L2HGDH: variants seen among roughly 807,000 people sequenced by gnomAD.
The protein encoded by L2HGDH is L-2-hydroxyglutarate dehydrogenase.
A neutral mutation model predicts 51.5 loss-of-function variants in L2HGDH; 34 were observed. The observed-to-expected ratio is 0.66, with a 90% CI of 0.50 to 0.88. L2HGDH has a LOEUF of 0.88. Among genes scored for constraint, L2HGDH ranks in the 40% least tolerant of loss-of-function variants. L2HGDH has a pLI of 0.00. For synonymous variants in L2HGDH, 198 were observed against 197.9 expected (o/e 1.00, Z -0.01); for missense variants, 558 against 571.9 (o/e 0.98, Z 0.25).
chr14:50,247,354 A>G, intron 9 of L2HGDH, 101 bp from the exon 10 acceptor site: 12 of 1,521,312 alleles, frequency 7.9e-6, no homozygotes, highest in South Asian at 1.2e-5. Context: ...ATTCTTCTAA[A>G]TGCACAATTA....
In L2HGDH at chr14:50,312,098, A is replaced by C. The variant is rs2275591; in HGVS notation, c.53T>G (p.Leu18Arg). ...LVGACGRARGLFAGGSPGACG... is the reference protein window; with the variant it reads ...LVGACGRARGRFAGGSPGACG... ...CGCCCCAGGGGAGCCACCGGCGAAA[A>C]GCCCGCGGGCCCGTCCGCAGGCACC... Residue 18 changes from leucine (L) to arginine (R), a missense_variant, in exon 1 of 10, where the codon CTT (leucine) becomes CGT (arginine). By Grantham distance (102) the Leu-to-Arg change is moderately radical. This residue lies in a region of L2HGDH where 194 missense variants were observed against 187.2 expected (regional missense o/e 1.04). Transcript: ENST00000267436. 0.57 allele frequency: 921,307 copies of C among 1,605,690 alleles called. 264,691 individuals are homozygous for C. Among genetic ancestry groups the C allele is most frequent in the East Asian group, 0.61 (26,981 of 44,582 alleles).
chr14:50,307,009 T>C (rs2030769853), intron 1 of L2HGDH, among the ~76,000 whole-genome samples: 1 of 152,084 alleles, frequency 6.6e-6, no homozygotes, highest in South Asian at 2.1e-4. Flanking sequence ...AGAGACGAGG[T>C]TTCACCACGT....
chr14:50,269,967 C>T (rs1034729541), intron 6 of L2HGDH, among the ~76,000 whole-genome samples: 1 of 152,184 alleles, frequency 6.6e-6, no homozygotes, highest in Non-Finnish European at 1.5e-5. Flanking sequence ...TAAAGGCAAA[C>T]TCTGTATTGC....
intron 4 of L2HGDH, among the ~76,000 whole-genome samples, chr14:50,292,010 C>A (rs1212064039): frequency 1.3e-5 from 2 of 151,974 alleles, no homozygotes; most frequent in African/African-American, 4.8e-5. Context: ...CACATACCTG[C>A]AACAAACAAA....
intron 1 of L2HGDH, among the ~76,000 whole-genome samples, chr14:50,305,521 A>G (rs2030673713): frequency 6.6e-6 from 1 of 152,256 alleles, no homozygotes. Flanking sequence ...AGGTACTTAC[A>G]CTGATTTACA....
intron 6 of L2HGDH, among the ~76,000 whole-genome samples, chr14:50,274,773 T>C (rs1889880929): frequency 6.6e-6 from 1 of 152,116 alleles, no homozygotes; most frequent in South Asian, 2.1e-4. Context: ...ATATACACAA[T>C]GCAATATTAT....
intron 9 of L2HGDH, 42 bp from the exon 10 acceptor site, chr14:50,247,295 A>T: frequency 6.3e-7 from 1 of 1,597,710 alleles, no homozygotes; most frequent in Non-Finnish European, 8.5e-7. Context: ...TCAAAGACAT[A>T]GGATACTTTA....
intron 6 of L2HGDH, among the ~76,000 whole-genome samples, chr14:50,271,633 G>C (rs368405398): frequency 1.3e-5 from 2 of 152,024 alleles, no homozygotes; most frequent in East Asian, 1.9e-4. Context: ...TTGAGCCCAG[G>C]AGTTCAAGAC....
chr14:50,294,082 C>T, intron 4 of L2HGDH, 33 bp downstream of exon 4: 2 of 1,611,742 alleles, frequency 1.2e-6, no homozygotes, highest in Non-Finnish European at 1.7e-6. Flanking sequence ...GGACTAAGCC[C>T]TAAATAAAAA....
At chr14:50,261,722 G>A (rs1400707663) in intron 9 of L2HGDH, among the ~76,000 whole-genome samples, 1 of 151,954 alleles carries the variant, frequency 6.6e-6, no homozygotes, top group Non-Finnish European at 1.5e-5. Flanking sequence ...GGGCTCAAGC[G>A]ATCCTCCCAC....
intron 6 of L2HGDH, among the ~76,000 whole-genome samples, chr14:50,276,477 A>G (rs1159647327): frequency 1.3e-5 from 2 of 150,682 alleles, no homozygotes; most frequent in African/African-American, 2.4e-5. Context: ...CCCCACCCCA[A>G]TTCATATGTT....
intron 5 of L2HGDH, among the ~76,000 whole-genome samples, chr14:50,281,266 A>G (rs986566837): frequency 1.1e-4 from 16 of 152,168 alleles, no homozygotes; most frequent in Non-Finnish European, 2.1e-4. Context: ...CATGTCATGA[A>G]AATTTTTTTC....
At chr14:50,294,054 C>A (rs1452109704) in intron 4 of L2HGDH, 61 bp downstream of exon 4, 6 of 1,583,790 alleles carry the variant, frequency 3.8e-6, no homozygotes, top group Non-Finnish European at 8.7e-7. Context: ...TACACTCACC[C>A]TCAGCCTCCA....
In L2HGDH at chr14:50,295,602, A is replaced by G. The variant is rs548401227; in HGVS notation, c.409-1356T>C. Among the ~76,000 whole-genome samples the G allele has an allele frequency of 4.3e-4, 26 of 60,394 alleles. No homozygotes were observed. The South Asian group carries it at 7.3e-3, about 17-fold the overall frequency. The allele number at this position is 60,394 out of a possible 152,430, so 39.6% of individuals were successfully genotyped here. A position where few individuals can be genotyped will look rare whatever the true frequency, so the allele number is the denominator to read the frequency against. On this transcript the variant is annotated intron_variant, in intron 3 of 9. Transcript: ENST00000267436. ...TTTTTTTTTTTTTTTTTTTTTTTTT[A>G]GTAGAGACAGCGTTTTACCACATTG...
In L2HGDH at chr14:50,302,082, G is replaced by T; in HGVS notation, c.343C>A (p.Gln115Lys). 6.2e-7 allele frequency: 1 copy of T among 1,614,050 alleles called. No homozygotes were observed. The highest frequency in any genetic ancestry group is 1.1e-5 in the South Asian group (1 of 91,076). Residue 115 changes from glutamine to lysine, a missense_variant, in exon 3 of 10, where the codon CAA becomes AAA. By Grantham distance (53) the Gln-to-Lys change is moderately conservative. This residue lies in a region of L2HGDH where 194 missense variants were observed against 187.2 expected (regional missense o/e 1.04). Coordinates refer to ENST00000267436, the MANE Select transcript of L2HGDH (RefSeq NM_024884.3). ...PESLKAKLCV[Q>K]GAALLYEYCQ... ...TACTCATAGAGGAGGGCTGCACCTT[G>T]TACACATAATTTGGCTTTCAGAGAC... is the stretch of plus-strand genomic sequence containing the variant.
chr14:50,285,189 G>A lies in L2HGDH; in HGVS notation c.541-1156C>T, dbSNP rs533494848. 9.8e-5 allele frequency among the ~76,000 whole-genome samples: 15 copies of A among 152,328 alleles called. No individual in the cohort carries two copies. In the South Asian group the frequency reaches 2.9e-3, roughly 29 times the overall value. ...TTGAACCCCAGAGGCGGAGGTTGCAGTGAGCCGAGATGATGCCACTGCGCT... is the reference window on the plus strand; with the variant it reads ...TTGAACCCCAGAGGCGGAGGTTGCAATGAGCCGAGATGATGCCACTGCGCT... On this transcript the variant is annotated intron_variant, in intron 4 of 9. Transcript: ENST00000267436.
At chr14:50,306,034 G>A (rs554625901) in intron 1 of L2HGDH, among the ~76,000 whole-genome samples, 2 of 146,796 alleles carry the variant, frequency 1.4e-5, no homozygotes, top group South Asian at 2.2e-4. Context: ...AACGAGGACT[G>A]ACTGTTTTGA....
At chr14:50,259,842 C>A (rs889249684) in intron 9 of L2HGDH, among the ~76,000 whole-genome samples, 1 of 150,560 alleles carries the variant, frequency 6.6e-6, no homozygotes, top group East Asian at 2.0e-4. Context: ...AAAAAAAATT[C>A]TTAAAAATAA....
intron 9 of L2HGDH, among the ~76,000 whole-genome samples, chr14:50,262,223 G>T (rs1889068557): frequency 6.6e-6 from 1 of 152,024 alleles, no homozygotes; most frequent in African/African-American, 2.4e-5. Context: ...CATGAGGTCA[G>T]GAGATTGAGA....
Sources: gnomAD v4.1 joint callset for allele counts (sites outside exome capture counted in the v4.1 genomes callset) on GRCh38, gnomAD v4.1.1 for gene constraint, gnomAD v4.1.1 regional missense constraint, MANE v1.5 for transcripts, NCBI Gene and HGNC (gene_info 2026-07-23, HGNC 2026-07-21) for gene names.